The following ADAM33 variants were observed in gnomAD, a reference collection of about 807,000 sequenced individuals.
ADAM33 encodes the protein disintegrin and metalloproteinase domain-containing protein 33.
ADAM33 carries 103 observed loss-of-function variants against 106.2 expected under a neutral mutation model. That is an observed-to-expected ratio of 0.97 (90% confidence interval 0.83 to 1.14). The LOEUF (loss-of-function observed/expected upper bound fraction) is 1.14. ADAM33 is among the 50% of genes most tolerant of loss of function. The pLI, the probability that ADAM33 is intolerant of heterozygous loss-of-function variation, is 0.00. For missense variants in ADAM33, 1,120 were observed against 1,096.6 expected, an observed-to-expected ratio of 1.02 and a Z score of -0.30; for synonymous variants, 483 against 453.0, an observed-to-expected ratio of 1.07 and a Z score of -0.84.
chr20:3,674,999 C>T, intron 4 of ADAM33, 28 bp downstream of exon 4: 8 of 1,613,154 alleles, frequency 5.0e-6, no homozygotes, highest in East Asian at 2.2e-5. Flanking sequence ...TCTGGCGGTG[C>T]ATCCCAGAGC....
Position 3,677,093 on chromosome 20 carries a change from C to T in ADAM33, c.228G>A (p.Glu76=), listed in dbSNP as rs1234333833. The T allele has an allele frequency of 2.5e-6, 4 of 1,612,922 alleles. No homozygotes were observed. Among genetic ancestry groups the T allele is most frequent in the Admixed American group, 1.7e-5 (1 of 59,974 alleles). ...GGTTCTTCTCCAGCTCAAGCAGGAG[C>T]TCCTGGCCTTCAGCCTCCAGGGCCA... ...GLVALEAEGQ[E]LLLELEKNHR... Residue 76 remains glutamate, a synonymous_variant, in exon 3 of 22, where the codon GAG becomes GAA. Coordinates refer to ENST00000356518, the MANE Select transcript of ADAM33 (RefSeq NM_025220.5).
Position 3,674,270 on chromosome 20 carries a change from C to T in ADAM33, c.615G>A (p.Ala205=), listed in dbSNP as rs1376763900. 18 of 1,613,942 alleles carry T rather than the reference C, an allele frequency of 1.1e-5. No homozygotes were observed. Among genetic ancestry groups the T allele is most frequent in the Middle Eastern group, 1.7e-4 (1 of 6,058 alleles). Reference sequence around the variant, plus strand: ...GTTCCAGGTACTTCCGGGTCCTGCGCGCTTCTCGCCTGCCCTGCGGAGGTG... The same window carrying T: ...GTTCCAGGTACTTCCGGGTCCTGCGTGCTTCTCGCCTGCCCTGCGGAGGTG... ...GGPQSRGRRE[A]RRTRKYLELY... The change falls in exon 7 of 22, where the codon GCG becomes GCA. Residue 205 remains alanine (A), a synonymous_variant. Transcript: ENST00000356518.
chr20:3,673,240 G>C, intron 11 of ADAM33, 114 bp downstream of exon 11: 1 of 1,533,874 alleles, frequency 6.5e-7, no homozygotes, highest in Non-Finnish European at 8.7e-7. Context: ...CGGACACTAT[G>C]ATCATTATCC....
chr20:3,669,983 T>C, intron 19 of ADAM33: 2 of 460,032 alleles, frequency 4.3e-6, no homozygotes, highest in South Asian at 4.3e-5. Context: ...TCTGCTCTCC[T>C]TGCCCCTGGG....
In ADAM33 at chr20:3,672,824, G is replaced by T; in HGVS notation, c.1208C>A (p.Ala403Asp). 6.3e-7 allele frequency: 1 copy of T among 1,575,584 alleles called. No individual in the cohort carries two copies. Among genetic ancestry groups the T allele is most frequent in the Non-Finnish European group, 8.6e-7 (1 of 1,166,458 alleles). Reference protein sequence around the residue: ...LRAFFRKGGGACLSNAPDPGL... With the variant: ...LRAFFRKGGGDCLSNAPDPGL... ...GGGGTCCGGGGCATTGGAGAGGCAA[G>T]CGCCGCCCCCCTTGCGGAAGAAGGC... The change falls in exon 12 of 22, where the codon GCT becomes GAT. Residue 403 changes from alanine to aspartate, a missense_variant. By Grantham distance (126) the Ala-to-Asp change is moderately radical. Transcript: ENST00000356518.
Position 3,672,869 on chromosome 20 carries a change from C to A in ADAM33, c.1163G>T (p.Cys388Phe). ...GHPFPRVFSA[C>F]SRRQLRAFFR... is the part of the protein sequence containing the mutation. ...GAAGGCGCGCAGCTGGCGGCGGCTG[C>A]AGGCGCTGAACACGCGCGGAAACGG... The change falls in exon 12 of 22, where the codon TGC becomes TTC. Residue 388 changes from cysteine to phenylalanine, a missense_variant. Transcript: ENST00000356518. 1 of 1,577,384 alleles carries A rather than the reference C, an allele frequency of 6.3e-7. No homozygotes were observed. Among genetic ancestry groups the A allele is most frequent in the Non-Finnish European group, 8.5e-7 (1 of 1,170,284 alleles).
At chr20:3,674,973 A>G in intron 4 of ADAM33, 54 bp downstream of exon 4, 2 of 1,611,658 alleles carry the variant, frequency 1.2e-6, no homozygotes, top group African/African-American at 1.3e-5. Context: ...AGGGGTAGGA[A>G]TGGTGGGGGG....
intron 11 of ADAM33, 138 bp from the exon 12 acceptor site, chr20:3,673,036 CACA>C (rs2087659904): frequency 7.0e-7 from 1 of 1,434,684 alleles, no homozygotes; most frequent in East Asian, 2.5e-5. Context: ...CGCAAAGTCA[CACA>C]ACAAGCGGGA....
intron 3 of ADAM33, among the ~76,000 whole-genome samples, chr20:3,676,409 CTTTTCTTTCTTTTTTT>C (rs2087959628): frequency 6.6e-6 from 1 of 151,152 alleles, no homozygotes; most frequent in African/African-American, 2.4e-5. Flanking sequence ...TTTCTTTTTT[CTTTTCTTTCTTTTTTT>C]TTTTCTTTTT....
At position 3,677,078 on chromosome 20, in the gene ADAM33, C is replaced by T. The variant is rs540020027; in HGVS notation, c.243G>A (p.Leu81=). ...AGCCTGGCACTCACTGGTTCTTCTC[C>T]AGCTCAAGCAGGAGCTCCTGGCCTT... ...EAEGQELLLE[L]EKNHRLLAPG... is the part of the protein sequence containing the mutation. Residue 81 remains leucine (L), a synonymous_variant, in exon 3 of 22, where the codon CTG becomes CTA. Coordinates refer to ENST00000356518, the MANE Select transcript of ADAM33 (RefSeq NM_025220.5). 2 of 1,612,974 alleles carry T rather than the reference C, an allele frequency of 1.2e-6. No homozygotes were observed. Among genetic ancestry groups the T allele is most frequent in the African/African-American group, 1.3e-5 (1 of 75,004 alleles).
intron 1 of ADAM33, among the ~76,000 whole-genome samples, 195 bp from the exon 2 acceptor site, chr20:3,679,766 A>G (rs1221378478): frequency 6.6e-6 from 1 of 152,066 alleles, no homozygotes. Flanking sequence ...CTGAGGAGCT[A>G]TCAAGGAGGA....
Position 3,671,660 on chromosome 20 carries a change from G to C in ADAM33, c.1826C>G (p.Ala609Gly), listed in dbSNP as rs1284790586. Reference sequence around the variant, plus strand: ...CAGCTGGGCACTGGGGAGTGCCAAGGCTCCCCGACAAGTCACTTCCTGGCC... The same window carrying C: ...CAGCTGGGCACTGGGGAGTGCCAAGCCTCCCCGACAAGTCACTTCCTGGCC... Reference protein sequence around the residue: ...LDGQEVTCRGALALPSAQLDL... With the variant: ...LDGQEVTCRGGLALPSAQLDL... The change falls in exon 16 of 22, where the codon GCC becomes GGC. Residue 609 changes from alanine to glycine, a missense_variant. By Grantham distance (60) the Ala-to-Gly change is moderately conservative. Transcript: ENST00000356518. The C allele has an allele frequency of 4.4e-6, 7 of 1,579,838 alleles. No individual in the cohort carries two copies. Among genetic ancestry groups the C allele is most frequent in the South Asian group, 2.3e-5 (2 of 87,334 alleles).
chr20:3,679,106 T>C (rs901952234), intron 2 of ADAM33, among the ~76,000 whole-genome samples: 27 of 149,566 alleles, frequency 1.8e-4, no homozygotes, highest in African/African-American at 4.7e-4. Context: ...CATGTTCTGG[T>C]CAACTTTGCA....
At position 3,677,018 on chromosome 20, in the gene ADAM33, C is replaced by T. The variant is rs76448267; in HGVS notation, c.254+49G>A. Reference sequence around the variant, plus strand: ...GCACAGATCTGTGTCAGTCCCTGCCCCCCAACACTGATCCCCTCCTCCCAG... The same window carrying T: ...GCACAGATCTGTGTCAGTCCCTGCCTCCCAACACTGATCCCCTCCTCCCAG... On this transcript the variant is annotated intron_variant, in intron 3 of 21. Transcript: ENST00000356518. The T allele has an allele frequency of 8.2e-6, 13 of 1,591,244 alleles. No individual in the cohort carries two copies. In the East Asian group the frequency reaches 1.6e-4, roughly 19 times the overall value.
rs146373315 is a variant in ADAM33 at position 3,669,302 on chromosome 20, G to T, written c.2401C>A (p.Gln801Lys). 1,224 of 1,587,784 alleles carry T rather than the reference G, an allele frequency of 7.7e-4. 3 individuals carry two copies. The highest frequency in any genetic ancestry group is 1.6e-3 in the Admixed American group (81 of 50,962). ...KPLPAVSPDPQADQVQMPRSC... is the reference protein window; with the variant it reads ...KPLPAVSPDPKADQVQMPRSC... ...TTGAATCCAGGTCCCTGCCTACCTT[G>T]GGGGTCAGGCGAGACTGCTGGCAGA... The change falls in exon 21 of 22, where the codon CAA becomes AAA. Residue 801 changes from glutamine to lysine, a missense_variant. Gln to Lys is a moderately conservative substitution (Grantham distance 53). Coordinates refer to ENST00000356518, the MANE Select transcript of ADAM33 (RefSeq NM_025220.5).
chr20:3,677,041 C>T (rs774151092), intron 3 of ADAM33, 26 bp downstream of exon 3: 1 of 1,610,896 alleles, frequency 6.2e-7, no homozygotes, highest in Admixed American at 1.7e-5. Flanking sequence ...CCCCTCCTCC[C>T]AGCCCTACCC....
Position 3,674,700 on chromosome 20 carries a change from T to C in ADAM33, c.411-7A>G. ...GCTGAGGGTGATCAGGCCACTAGGG[T>C]GCAGAGGGGTAGGAGCGGGTGTGAG... On this transcript the variant is annotated splice_region_variant and splice_polypyrimidine_tract_variant and intron_variant, in intron 5 of 21. Coordinates refer to ENST00000356518, the MANE Select transcript of ADAM33 (RefSeq NM_025220.5). 1 of 1,603,082 alleles carries C rather than the reference T, an allele frequency of 6.2e-7. No individual in the cohort carries two copies. The highest frequency in any genetic ancestry group is 8.5e-7 in the Non-Finnish European group (1 of 1,174,698).
intron 20 of ADAM33, 29 bp from the exon 21 acceptor site, chr20:3,669,399 G>A (rs763260728): frequency 1.3e-6 from 2 of 1,592,814 alleles, no homozygotes; most frequent in South Asian, 2.3e-5. Context: ...GGTAAATGTT[G>A]TGAATATGGT....
chr20:3,672,033 C>T, intron 14 of ADAM33, 48 bp from the exon 15 acceptor site: 2 of 1,552,758 alleles, frequency 1.3e-6, no homozygotes, highest in Non-Finnish European at 1.7e-6. Context: ...AGGGGCTGCG[C>T]TCAGCGGGCC....
Sources: gnomAD v4.1 joint callset for allele counts (sites outside exome capture counted in the v4.1 genomes callset) on GRCh38, gnomAD v4.1.1 for gene constraint, MANE v1.5 for transcripts, NCBI Gene and HGNC (gene_info 2026-07-23, HGNC 2026-07-21) for gene names.